THSD7B: variants seen among roughly 807,000 people sequenced by gnomAD.
THSD7B encodes the protein thrombospondin type 1 domain containing 7B.
In THSD7B, 138 loss-of-function variants were observed where a neutral mutation model predicts 213.6. The observed-to-expected ratio is 0.65, with a 90% confidence interval of 0.56 to 0.74. The LOEUF (loss-of-function observed/expected upper bound fraction) is 0.74, where lower values mean the gene tolerates loss of function less well. Among genes scored for constraint, THSD7B ranks in the 30% least tolerant of loss-of-function variants. The probability of loss-of-function intolerance (pLI) is 0.00; values close to 1 mark genes in which losing one functional copy is unlikely to be tolerated. For synonymous variants in THSD7B, 742 were observed against 687.0 expected (o/e 1.08, Z -1.25); for missense variants, 1,931 against 1,991.5 (o/e 0.97, Z 0.58).
intron 5 of THSD7B, among the ~76,000 whole-genome samples, chr2:137,149,449 C>T (rs1469274278): frequency 1.3e-5 from 2 of 152,182 alleles, no homozygotes; most frequent in Non-Finnish European, 2.9e-5. Context: ...GGTCCACCAA[C>T]AGCTTTTGCA....
chr2:136,822,983 T>C (rs147249313), intron 1 of THSD7B, among the ~76,000 whole-genome samples: 25 of 152,326 alleles, frequency 1.6e-4, no homozygotes, highest in African/African-American at 5.5e-4. Context: ...TTGAAGAAGT[T>C]TGGAGTTTAA....
At chr2:137,117,655 A>G (rs752721128) in intron 5 of THSD7B, among the ~76,000 whole-genome samples, 5 of 152,074 alleles carry the variant, frequency 3.3e-5, no homozygotes, top group East Asian at 1.9e-4. Flanking sequence ...CTTTTCTTCC[A>G]TACAAAACCC....
At chr2:137,196,380 T>C (rs983070299) in intron 7 of THSD7B, among the ~76,000 whole-genome samples, 1 of 4,430 alleles carries the variant, frequency 2.3e-4, no homozygotes, top group Non-Finnish European at 1.0e-3. Flanking sequence ...CCTGCTGTTT[T>C]TTTTTTTTTT....
chr2:137,167,225 A>G lies in THSD7B; in HGVS notation c.1526-3516A>G, dbSNP rs554013124. 4.0e-5 allele frequency among the ~76,000 whole-genome samples: 6 copies of G among 151,386 alleles called. No individual in the cohort carries two copies. In the South Asian group the frequency reaches 1.3e-3, roughly 32 times the overall value. On this transcript the variant is annotated intron_variant, in intron 6 of 27. Transcript: ENST00000409968. Reference sequence around the variant, plus strand: ...TTTATTTATTTATTTATTTTCTGAGACAGAGTCTCACTCTGTCACCCAGGC... The same window carrying G: ...TTTATTTATTTATTTATTTTCTGAGGCAGAGTCTCACTCTGTCACCCAGGC...
intron 15 of THSD7B, among the ~76,000 whole-genome samples, chr2:137,520,292 G>GGAT: frequency 6.6e-6 from 1 of 152,172 alleles, no homozygotes; most frequent in South Asian, 2.1e-4. Context: ...TCATGAAAAT[G>GGAT]GATGATGATG....
intron 6 of THSD7B, among the ~76,000 whole-genome samples, chr2:137,169,077 C>T (rs1228949828): frequency 1.3e-5 from 2 of 150,616 alleles, no homozygotes; most frequent in African/African-American, 4.9e-5. Flanking sequence ...AGAATATAGC[C>T]TCTGACTGGC....
chr2:137,323,353 T>TC (rs1259491093), intron 12 of THSD7B, among the ~76,000 whole-genome samples: 3 of 152,150 alleles, frequency 2.0e-5, no homozygotes, highest in African/African-American at 7.2e-5. Flanking sequence ...CCAGTTCCTG[T>TC]CCCCCATGAG....
intron 5 of THSD7B, among the ~76,000 whole-genome samples, chr2:137,142,278 G>C (rs1389312767): frequency 6.6e-6 from 1 of 152,146 alleles, no homozygotes; most frequent in East Asian, 1.9e-4. Context: ...AGGACAGAGA[G>C]AGAATGAGCC....
At chr2:137,112,148 C>A (rs541322092) in intron 4 of THSD7B, among the ~76,000 whole-genome samples, 2 of 152,164 alleles carry the variant, frequency 1.3e-5, no homozygotes, top group African/African-American at 2.4e-5. Context: ...CCTAGCGACA[C>A]TTTCTCTGGT....
At chr2:136,944,479 G>C (rs182666696) in intron 2 of THSD7B, among the ~76,000 whole-genome samples, 63 of 152,206 alleles carry the variant, frequency 4.1e-4, no homozygotes, top group African/African-American at 1.4e-3. Flanking sequence ...ATTGACAGTG[G>C]GGTGTTAAAG....
At chr2:137,198,548 A>G (rs924171985) in intron 7 of THSD7B, among the ~76,000 whole-genome samples, 2 of 152,190 alleles carry the variant, frequency 1.3e-5, no homozygotes. Context: ...AAAAGAGACT[A>G]ACGGTTTCAG....
chr2:136,875,437 AAAG>A (rs777559925), intron 1 of THSD7B, among the ~76,000 whole-genome samples: 11 of 152,218 alleles, frequency 7.2e-5, no homozygotes, highest in Non-Finnish European at 1.5e-4. Context: ...ATAAAGAAAG[AAAG>A]AAATCCATTC....
At chr2:137,090,523 G>A (rs12691905) in intron 3 of THSD7B, among the ~76,000 whole-genome samples, 58,905 of 151,766 alleles carry the variant, frequency 0.39, 13,532 homozygotes, top group African/African-American at 0.65. Flanking sequence ...ATTTTCTTAC[G>A]TTTCCAGGGG....
chr2:137,514,523 A>T (rs2105157275), intron 15 of THSD7B, among the ~76,000 whole-genome samples: 1 of 152,242 alleles, frequency 6.6e-6, no homozygotes, highest in Middle Eastern at 3.4e-3. Flanking sequence ...ACTCCTTAAT[A>T]AACTCCCCTT....
chr2:137,097,769 G>GACACACACACACACAC (rs3050089), intron 4 of THSD7B, among the ~76,000 whole-genome samples: 6 of 141,456 alleles, frequency 4.2e-5, no homozygotes, highest in Admixed American at 1.4e-4. Context: ...CGCTAAGTTT[G>GACACACACACACACAC]ACACACACAC....
intron 2 of THSD7B, among the ~76,000 whole-genome samples, chr2:136,890,462 C>CTTCTT (rs1558840242): frequency 1.1e-3 from 1 of 912 alleles, no homozygotes; most frequent in African/African-American, 2.0e-3. Context: ...TTCTTCTTCT[C>CTTCTT]CTTTCTTCTC....
Position 136,823,062 on chromosome 2 carries a change from A to G in THSD7B, c.-36+57375A>G, listed in dbSNP as rs4144045. Among the ~76,000 whole-genome samples, 13 of 152,330 alleles carry G rather than the reference A, an allele frequency of 8.5e-5. No individual in the cohort carries two copies. In the East Asian group the frequency reaches 2.1e-3, roughly 25 times the overall value. On this transcript the variant is annotated intron_variant, in intron 1 of 27. Transcript: ENST00000409968. Reference sequence around the variant, plus strand: ...TCATGACTGAAGTAATATCTAGAGCAATGATAGGCACAGCACACGCTTTCT... The same window carrying G: ...TCATGACTGAAGTAATATCTAGAGCGATGATAGGCACAGCACACGCTTTCT...
At chr2:137,404,474 TACACACACAC>T (rs1207612144) in intron 12 of THSD7B, among the ~76,000 whole-genome samples, 5 of 40,258 alleles carry the variant, frequency 1.2e-4, no homozygotes, top group South Asian at 1.5e-3. Flanking sequence ...TATATATATA[TACACACACAC>T]ACACACACAC....
intron 1 of THSD7B, among the ~76,000 whole-genome samples, chr2:136,839,475 C>A (rs1682891668): frequency 6.6e-6 from 1 of 152,150 alleles, no homozygotes; most frequent in Admixed American, 6.5e-5. Context: ...AATAAAATCT[C>A]AGAATCTTTT....
Sources: allele counts gnomAD v4.1 joint callset (sites outside exome capture counted in the v4.1 genomes callset), GRCh38; gene constraint gnomAD v4.1.1; transcripts MANE v1.5; gene names NCBI Gene and HGNC (gene_info 2026-07-23, HGNC 2026-07-21).